The following RELL1 variants were observed in gnomAD, a reference collection of about 807,000 sequenced individuals.
RELL1 encodes the protein RELT like 1.
Under a neutral mutation model 23.0 loss-of-function variants are expected in RELL1, and 10 were observed. That is an observed-to-expected ratio of 0.43 (90% CI 0.27 to 0.74). The LOEUF is 0.74. Among genes scored for constraint, RELL1 ranks in the 30% least tolerant of loss-of-function variants. RELL1 has a pLI of 0.19. For synonymous variants in RELL1, 146 were observed against 146.8 expected (o/e 0.99, Z 0.04); for missense variants, 315 against 364.4 (o/e 0.86, Z 1.10).
At chr4:37,685,783 C>T (rs1722382515) in intron 1 of RELL1, among the ~76,000 whole-genome samples, 1 of 152,228 alleles carries the variant, frequency 6.6e-6, no homozygotes, top group South Asian at 2.1e-4. Context: ...AAGGAGGCGC[C>T]GACAGCGCAC....
Position 37,597,564 on chromosome 4 carries a change from C to T in RELL1, c.*4-6347G>A, listed in dbSNP as rs1367187764. ...ACATAAATCAGGAAGAGTTCACAGG[C>T]CACAGAAGGTCCATAGCCTCTACTC... On this transcript the variant is annotated intron_variant, in intron 6 of 6. Coordinates refer to the RELL1 transcript ENST00000314117. Among the ~76,000 whole-genome samples, 10 of 152,294 alleles carry T rather than the reference C, an allele frequency of 6.6e-5. No homozygotes were observed. The South Asian group carries it at 1.9e-3, about 28-fold the overall frequency.
intron 2 of RELL1, among the ~76,000 whole-genome samples, chr4:37,648,885 T>C (rs1270374367): frequency 6.6e-6 from 1 of 152,230 alleles, no homozygotes; most frequent in Non-Finnish European, 1.5e-5. Context: ...ATATTCCAAA[T>C]ACCAAATGCA....
intron 1 of RELL1, among the ~76,000 whole-genome samples, chr4:37,681,781 C>A (rs941275694): frequency 6.6e-6 from 1 of 152,114 alleles, no homozygotes; most frequent in Non-Finnish European, 1.5e-5. Context: ...CCCGCCTTGG[C>A]CTCCCAAAGT....
downstream of RELL1, among the ~76,000 whole-genome samples, chr4:37,586,866 T>G (rs1718364283): frequency 6.6e-6 from 1 of 152,134 alleles, no homozygotes; most frequent in Non-Finnish European, 1.5e-5. Flanking sequence ...GCCGAGATTG[T>G]GCCATTGCAC....
intron 1 of RELL1, among the ~76,000 whole-genome samples, chr4:37,667,844 G>A (rs1448517579): frequency 6.6e-6 from 1 of 151,816 alleles, no homozygotes; most frequent in Non-Finnish European, 1.5e-5. Context: ...GAAACAGTTG[G>A]TTACTTCTCA....
intron 2 of RELL1, among the ~76,000 whole-genome samples, chr4:37,648,979 GATTAA>G (rs1326614583): frequency 1.3e-5 from 2 of 152,160 alleles, no homozygotes; most frequent in African/African-American, 4.8e-5. Context: ...AAATGAATAA[GATTAA>G]ATTAATTAAA....
rs541678346 is a variant in RELL1, at chr4:37,600,605, T to C, written c.*4-9388A>G. On this transcript the variant is annotated intron_variant, in intron 6 of 6. Transcript: ENST00000314117. ...TAAGTCACATTGCATTTGAAGTGAA[T>C]ATTTATAGCATTAAAATTGACCTTT... 5.9e-5 allele frequency among the ~76,000 whole-genome samples: 9 copies of C among 152,344 alleles called. No homozygotes were observed. In the South Asian group the frequency reaches 1.0e-3, roughly 18 times the overall value.
rs576175297 is a variant in RELL1 at position 37,665,873 on chromosome 4, A to G, written c.89-16373T>C. Among the ~76,000 whole-genome samples, 3 of 152,332 alleles carry G rather than the reference A, an allele frequency of 2.0e-5. No individual in the cohort carries two copies. The South Asian group carries it at 6.2e-4, about 32-fold the overall frequency. ...ACCTGTCAGGGTTAGAAGTCCAGCC[A>G]AGTCATTTCTACCCTGCAGAATAGG... On this transcript the variant is annotated intron_variant, in intron 1 of 6. Transcript: ENST00000454158.
At chr4:37,660,173 T>C (rs543434613) in intron 1 of RELL1, among the ~76,000 whole-genome samples, 3 of 152,140 alleles carry the variant, frequency 2.0e-5, no homozygotes, top group Non-Finnish European at 4.4e-5. Flanking sequence ...TGGCTAAATG[T>C]CTAAATGTTC....
chr4:37,618,038 G>T (rs1719631610), intron 6 of RELL1, among the ~76,000 whole-genome samples: 1 of 152,182 alleles, frequency 6.6e-6, no homozygotes, highest in Non-Finnish European at 1.5e-5. Flanking sequence ...AAGTCCTGAA[G>T]GAGCTTAGTG....
At chr4:37,674,979 T>C (rs1400300175) in intron 1 of RELL1, among the ~76,000 whole-genome samples, 2 of 152,232 alleles carry the variant, frequency 1.3e-5, no homozygotes. Context: ...AATAGCATAA[T>C]TGTCTAATGT....
At chr4:37,590,053 G>A (rs752692987), downstream of RELL1, 5 of 1,500,838 alleles carry the variant, frequency 3.3e-6, no homozygotes, top group South Asian at 3.7e-5. Context: ...TAATGATGGA[G>A]CAGACCTGAC....
At chr4:37,679,664 C>G (rs187231797) in intron 1 of RELL1, among the ~76,000 whole-genome samples, 1 of 152,166 alleles carries the variant, frequency 6.6e-6, no homozygotes, top group East Asian at 1.9e-4. Flanking sequence ...ACCATAGAAC[C>G]ACACATTAGG....
chr4:37,639,345 C>T (rs956449516), intron 3 of RELL1, among the ~76,000 whole-genome samples: 3 of 134,096 alleles, frequency 2.2e-5, no homozygotes, highest in Non-Finnish European at 4.6e-5. Flanking sequence ...CATCACGCCA[C>T]TGCACTCCAG....
intron 3 of RELL1, 49 bp from the exon 4 acceptor site, chr4:37,638,553 G>T: frequency 7.3e-7 from 1 of 1,361,110 alleles, no homozygotes. Flanking sequence ...TGAATAAGAT[G>T]AGTAATCACA....
intron 1 of RELL1, among the ~76,000 whole-genome samples, chr4:37,654,644 G>T (rs775303111): frequency 1.8e-4 from 27 of 152,028 alleles, no homozygotes; most frequent in Non-Finnish European, 3.5e-4. Context: ...AATAGCAAAG[G>T]TTGTTGCATT....
At chr4:37,673,264 A>G (rs73142856) in intron 1 of RELL1, among the ~76,000 whole-genome samples, 23,497 of 133,760 alleles carry the variant, frequency 0.18, 3,423 homozygotes, top group African/African-American at 0.42. Context: ...ATCACAGCTC[A>G]CTGCAGCCTT....
downstream of RELL1, among the ~76,000 whole-genome samples, chr4:37,606,174 GAGAA>G (rs1274285788): frequency 2.1e-5 from 3 of 144,736 alleles, no homozygotes; most frequent in Non-Finnish European, 3.0e-5. The surrounding 1 kb of genome is among the most constrained non-coding windows in gnomAD (Gnocchi z 4.1). Flanking sequence ...AGAAAAAAAG[GAGAA>G]AGAAGAAAGA....
chr4:37,673,285 G>A (rs1721906027), intron 1 of RELL1, among the ~76,000 whole-genome samples: 1 of 128,094 alleles, frequency 7.8e-6, no homozygotes, highest in Non-Finnish European at 1.6e-5. Context: ...GCACCTCTGG[G>A]CTTAAGTGAT....
Sources: allele counts gnomAD v4.1 joint callset (sites outside exome capture counted in the v4.1 genomes callset), GRCh38; gene constraint gnomAD v4.1.1; non-coding constraint Gnocchi (gnomAD v3.1); transcripts MANE v1.5; gene names NCBI Gene and HGNC (gene_info 2026-07-23, HGNC 2026-07-21).